Variants in MGMT observed in about 807,000 individuals in gnomAD.
The protein encoded by MGMT is O-6-methylguanine-DNA methyltransferase.
MGMT carries 14 observed loss-of-function variants against 15.9 expected under a neutral mutation model. That is an observed-to-expected ratio of 0.88 (90% CI 0.58 to 1.37). MGMT has a LOEUF of 1.37. Ranked by LOEUF, MGMT falls within the 40% of genes most tolerant of loss-of-function variation. The pLI is 0.00. For synonymous variants in MGMT, 130 were observed against 118.2 expected (o/e 1.10, Z -0.65); for missense variants, 282 against 268.1 (o/e 1.05, Z -0.36).
chr10:129,492,774 G>T, intron 1 of MGMT, among the ~76,000 whole-genome samples: 1 of 152,218 alleles, frequency 6.6e-6, no homozygotes, highest in East Asian at 1.9e-4. Flanking sequence ...CATTTTAAAA[G>T]ACGAGTTTTG....
intron 1 of MGMT, among the ~76,000 whole-genome samples, chr10:129,480,460 G>A (rs766911992): frequency 5.9e-5 from 9 of 152,186 alleles, no homozygotes; most frequent in Non-Finnish European, 1.2e-4. Context: ...TTCAAATATT[G>A]ATGTTTCCTA....
chr10:129,657,732 CT>C (rs1417598804), intron 2 of MGMT, among the ~76,000 whole-genome samples: 15 of 150,142 alleles, frequency 1.0e-4, no homozygotes, highest in East Asian at 2.0e-4. Context: ...CACACACCCC[CT>C]CTCCCCCAAG....
At chr10:129,577,530 T>G (rs1416223601) in intron 2 of MGMT, among the ~76,000 whole-genome samples, 1 of 152,154 alleles carries the variant, frequency 6.6e-6, no homozygotes, top group African/African-American at 2.4e-5. Flanking sequence ...TATACAAAAA[T>G]TAATTCAAGA....
rs117707060 is a variant in MGMT, at chr10:129,538,421, G to A, written c.125+2044G>A. Among the ~76,000 whole-genome samples the A allele has an allele frequency of 3.9e-3, 592 of 152,344 alleles. 5 individuals are homozygous for A. Among genetic ancestry groups the A allele is most frequent in the Middle Eastern group, 0.01 (3 of 294 alleles). ...ATTGCCAAAACTTTCTTCAGAGCGG[G>A]ATGGAATTTCCACTAGCAGTGTGTG... On this transcript the variant is annotated intron_variant, in intron 2 of 4. Transcript: ENST00000651593.
At chr10:129,748,291 C>T (rs1331541389) in intron 3 of MGMT, among the ~76,000 whole-genome samples, 4 of 152,112 alleles carry the variant, frequency 2.6e-5, no homozygotes, top group Non-Finnish European at 4.4e-5. Flanking sequence ...TCTTCCAATA[C>T]TACTTTATTT....
intron 2 of MGMT, among the ~76,000 whole-genome samples, chr10:129,553,070 G>A (rs1846176208): frequency 1.3e-5 from 2 of 152,126 alleles, no homozygotes; most frequent in African/African-American, 4.8e-5. Flanking sequence ...TCTTAACCAT[G>A]CGCAGCCAGC....
intron 2 of MGMT, chr10:129,702,067 T>C (rs1233699050): frequency 6.6e-6 from 1 of 152,162 alleles, no homozygotes; most frequent in African/African-American, 2.4e-5. Context: ...GGACATTGTT[T>C]TTCCAAGCCG....
At chr10:129,522,949 A>C (rs2119729375) in intron 1 of MGMT, among the ~76,000 whole-genome samples, 1 of 152,390 alleles carries the variant, frequency 6.6e-6, no homozygotes, top group East Asian at 1.9e-4. Flanking sequence ...CTAAGAAGTC[A>C]GTGAAACTTC....
chr10:129,707,876 CCT>C lies in MGMT; in HGVS notation c.126-18_126-17del, dbSNP rs745990003. 2.5e-6 allele frequency: 4 copies of C among 1,609,492 alleles called. No individual in the cohort carries two copies. The highest frequency in any genetic ancestry group is 2.7e-5 in the African/African-American group (2 of 74,724). On this transcript the variant is annotated splice_polypyrimidine_tract_variant and intron_variant, in intron 2 of 4. Transcript: ENST00000651593. ...GCAGGGCCCAGAGGTTTACTAAGCC[CCT>C]GTTCTCACTTTTGCAGTGCCGTGGA...
chr10:129,634,674 G>T (rs1032436830), intron 2 of MGMT, among the ~76,000 whole-genome samples: 2 of 151,926 alleles, frequency 1.3e-5, no homozygotes, highest in African/African-American at 4.8e-5. Flanking sequence ...AATTCTGAAA[G>T]TTCTCTTTGG....
chr10:129,643,428 C>G (rs1322481632), intron 2 of MGMT, among the ~76,000 whole-genome samples: 2 of 152,128 alleles, frequency 1.3e-5, no homozygotes, highest in African/African-American at 2.4e-5. Flanking sequence ...GCTGACAAAT[C>G]CAGGGGGAAG....
chr10:129,467,675 C>A (rs1049451761), intron 1 of MGMT, among the ~76,000 whole-genome samples: 1 of 152,224 alleles, frequency 6.6e-6, no homozygotes, highest in African/African-American at 2.4e-5. Context: ...CCTGCGCGGG[C>A]CTTGGCTTGC....
chr10:129,643,894 A>G (rs192313933), intron 2 of MGMT, among the ~76,000 whole-genome samples: 1 of 152,284 alleles, frequency 6.6e-6, no homozygotes, highest in East Asian at 1.9e-4. Flanking sequence ...TATGATGGTA[A>G]CCTGGCTTGA....
At chr10:129,744,690 C>T (rs1564782756) in intron 3 of MGMT, among the ~76,000 whole-genome samples, 1 of 152,188 alleles carries the variant, frequency 6.6e-6, no homozygotes, top group Non-Finnish European at 1.5e-5. Flanking sequence ...CACCTCCTCC[C>T]GCTCACTCTC....
chr10:129,487,994 C>CACAA (rs755696867), intron 1 of MGMT, among the ~76,000 whole-genome samples: 1 of 125,040 alleles, frequency 8.0e-6, no homozygotes, highest in African/African-American at 3.2e-5. Flanking sequence ...CACACACACA[C>CACAA]ACATAGGTAT....
At chr10:129,467,618 C>T (rs1384711462) in intron 1 of MGMT, among the ~76,000 whole-genome samples, 2 of 152,240 alleles carry the variant, frequency 1.3e-5, no homozygotes, top group Admixed American at 6.5e-5. Flanking sequence ...CCCTTCCATG[C>T]TGCCAGCTTT....
At chr10:129,542,335 T>G (rs1846051324) in intron 2 of MGMT, among the ~76,000 whole-genome samples, 1 of 152,154 alleles carries the variant, frequency 6.6e-6, no homozygotes, top group Non-Finnish European at 1.5e-5. Flanking sequence ...CCAGTGCCAG[T>G]CGGATGGTTC....
chr10:129,547,401 A>G (rs1846108961), intron 2 of MGMT, among the ~76,000 whole-genome samples: 1 of 152,140 alleles, frequency 6.6e-6, no homozygotes. Context: ...ACATGCACAA[A>G]ACACACACAT....
At chr10:129,670,466 A>G (rs188239582) in intron 2 of MGMT, among the ~76,000 whole-genome samples, 2 of 152,334 alleles carry the variant, frequency 1.3e-5, no homozygotes, top group East Asian at 3.9e-4. Context: ...AGAAACCACA[A>G]AGAAGAGAAA....
Sources: allele counts gnomAD v4.1 joint callset (sites outside exome capture counted in the v4.1 genomes callset), GRCh38; gene constraint gnomAD v4.1.1; transcripts MANE v1.5; gene names NCBI Gene and HGNC (gene_info 2026-07-23, HGNC 2026-07-21).